HNF4G: variants seen among roughly 807,000 people sequenced by gnomAD.
The protein encoded by HNF4G is hepatocyte nuclear factor 4 gamma, also known as hepatocyte nuclear factor 4-gamma.
Under a neutral mutation model 50.9 loss-of-function variants are expected in HNF4G, and 21 were observed. The observed-to-expected ratio is 0.41, with a 90% CI of 0.29 to 0.59. The LOEUF (loss-of-function observed/expected upper bound fraction) is 0.59, where lower values mean the gene tolerates loss of function less well. HNF4G is among the 20% of genes least tolerant of loss of function. The pLI is 0.26. For missense variants in HNF4G, 527 were observed against 559.4 expected, an observed-to-expected ratio of 0.94 and a Z score of 0.58; for synonymous variants, 198 against 185.6, an observed-to-expected ratio of 1.07 and a Z score of -0.54.
At position 75,559,033 on chromosome 8, in the gene HNF4G, A is replaced by G. The variant is rs1807221026; in HGVS notation, c.1119A>G (p.Leu373=). ...KIDNLLQEML[L]GGASNDGSHL... Reference sequence around the variant, plus strand: ...ACAATCTACTTCAGGAAATGCTATTAGGTGGTGAGTACATTGAATAATTTC... The same window carrying G: ...ACAATCTACTTCAGGAAATGCTATTGGGTGGTGAGTACATTGAATAATTTC... The change falls in exon 8 of 10, where the codon TTA becomes TTG. Residue 373 remains leucine (L), a synonymous_variant. Transcript: ENST00000396423. 6.7e-7 allele frequency: 1 copy of G among 1,496,686 alleles called. No individual in the cohort carries two copies. The highest frequency in any genetic ancestry group is 9.3e-7 in the Non-Finnish European group (1 of 1,073,014). 92.7% of individuals were successfully genotyped at this position (1,496,686 alleles called of 1,614,324 possible).
intron 1 of HNF4G, among the ~76,000 whole-genome samples, chr8:75,425,886 C>T (rs542552554): frequency 1.3e-5 from 2 of 152,104 alleles, no homozygotes; most frequent in Admixed American, 6.5e-5. Flanking sequence ...ACTTGACACT[C>T]CTTTCTGACG....
intron 2 of HNF4G, among the ~76,000 whole-genome samples, chr8:75,494,363 A>T (rs1453256499): frequency 6.6e-6 from 1 of 151,596 alleles, no homozygotes; most frequent in Non-Finnish European, 1.5e-5. Flanking sequence ...TTGACAATAC[A>T]CAAGGAGACC....
intron 2 of HNF4G, among the ~76,000 whole-genome samples, chr8:75,509,167 T>A (rs1231469407): frequency 6.6e-6 from 1 of 152,130 alleles, no homozygotes; most frequent in Non-Finnish European, 1.5e-5. Flanking sequence ...GCTGAGATAT[T>A]TGTAGTTAGG....
At chr8:75,513,426 T>C (rs1273389488) in intron 2 of HNF4G, among the ~76,000 whole-genome samples, 1 of 152,220 alleles carries the variant, frequency 6.6e-6, no homozygotes, top group Non-Finnish European at 1.5e-5. Context: ...GCCCATCTTG[T>C]GATCAAATTT....
intron 1 of HNF4G, among the ~76,000 whole-genome samples, chr8:75,409,439 C>T (rs1399145642): frequency 1.3e-5 from 2 of 150,454 alleles, no homozygotes; most frequent in East Asian, 3.9e-4. Context: ...AAAAAATACT[C>T]CTCATGCAAA....
chr8:75,494,145 A>C (rs1812702683), intron 2 of HNF4G, among the ~76,000 whole-genome samples: 1 of 152,200 alleles, frequency 6.6e-6, no homozygotes, highest in East Asian at 1.9e-4. Flanking sequence ...AAAGTTGTCT[A>C]AAACATCAAA....
chr8:75,438,751 C>T (rs1321919142), intron 1 of HNF4G, among the ~76,000 whole-genome samples: 2 of 152,038 alleles, frequency 1.3e-5, no homozygotes, highest in African/African-American at 2.4e-5. Context: ...TACAACAGGA[C>T]TCACACTCTC....
chr8:75,530,621 A>G (rs1806302778), intron 2 of HNF4G, among the ~76,000 whole-genome samples: 1 of 152,136 alleles, frequency 6.6e-6, no homozygotes, highest in Non-Finnish European at 1.5e-5. Flanking sequence ...TATGATTTTG[A>G]GTTCAAAAAT....
At chr8:75,545,201 A>T (rs1352588517) in intron 2 of HNF4G, among the ~76,000 whole-genome samples, 1 of 151,734 alleles carries the variant, frequency 6.6e-6, no homozygotes, top group Non-Finnish European at 1.5e-5. Flanking sequence ...TAACCTGTAA[A>T]CCATACCTTC....
intron 1 of HNF4G, among the ~76,000 whole-genome samples, chr8:75,413,161 G>A (rs1810540686): frequency 1.3e-5 from 2 of 151,716 alleles, no homozygotes; most frequent in Admixed American, 1.3e-4. Context: ...AACAAGGATT[G>A]GACAATGTCT....
chr8:75,410,110 G>A (rs1460250), intron 1 of HNF4G, among the ~76,000 whole-genome samples: 74,273 of 151,924 alleles, frequency 0.49, 18,430 homozygotes, highest in Middle Eastern at 0.57. Context: ...TAACCAGCCA[G>A]TGTCCCTCAG....
intron 2 of HNF4G, among the ~76,000 whole-genome samples, chr8:75,546,950 T>C (rs1266310191): frequency 6.6e-6 from 1 of 152,164 alleles, no homozygotes; most frequent in East Asian, 1.9e-4. Flanking sequence ...TGCTAAACTG[T>C]CTTCCAAAGC....
Position 75,551,379 on chromosome 8 carries a change from T to TC in HNF4G, c.383-4dup. 5 of 1,546,306 alleles carry TC rather than the reference T, an allele frequency of 3.2e-6. No individual in the cohort carries two copies. The highest frequency in any genetic ancestry group is 4.5e-6 in the Non-Finnish European group (5 of 1,118,670). ...AGTGCTCAATAAATACTGTGTTTTTTCCCCCTAGCTGTACAAAATGAACGT... is the reference window on the plus strand; with the variant it reads ...AGTGCTCAATAAATACTGTGTTTTTTCCCCCCTAGCTGTACAAAATGAACGT... On this transcript the variant is annotated splice_polypyrimidine_tract_variant and intron_variant, in intron 3 of 9. Coordinates refer to ENST00000396423, the MANE Select transcript of HNF4G (RefSeq NM_004133.5).
chr8:75,546,252 T>C (rs1332535331), intron 2 of HNF4G, among the ~76,000 whole-genome samples: 1 of 152,182 alleles, frequency 6.6e-6, no homozygotes, highest in Non-Finnish European at 1.5e-5. Flanking sequence ...AACAACCTTT[T>C]GTGCAAGTCC....
intron 2 of HNF4G, among the ~76,000 whole-genome samples, chr8:75,526,099 T>A (rs1226491817): frequency 6.8e-6 from 1 of 147,310 alleles, no homozygotes; most frequent in African/African-American, 2.5e-5. Flanking sequence ...ATTCTCTACT[T>A]GCTCAAATTT....
chr8:75,557,481 C>T (rs1449721622), intron 6 of HNF4G, among the ~76,000 whole-genome samples: 1 of 152,038 alleles, frequency 6.6e-6, no homozygotes, highest in Non-Finnish European at 1.5e-5. Context: ...ATTAACTGGG[C>T]GTGGTGGCGG....
At chr8:75,460,870 G>C (rs934882989) in intron 1 of HNF4G, among the ~76,000 whole-genome samples, 2 of 152,070 alleles carry the variant, frequency 1.3e-5, no homozygotes, top group African/African-American at 4.8e-5. Flanking sequence ...TAACTTTGAG[G>C]GTTTGGCAGA....
At chr8:75,473,794 T>C (rs1351319704) in intron 1 of HNF4G, among the ~76,000 whole-genome samples, 1 of 152,034 alleles carries the variant, frequency 6.6e-6, no homozygotes, top group Non-Finnish European at 1.5e-5. Flanking sequence ...AGGAAAGTTA[T>C]GGCTTTAACT....
chr8:75,408,560 G>A (rs1013407545), intron 1 of HNF4G, among the ~76,000 whole-genome samples: 18 of 152,204 alleles, frequency 1.2e-4, no homozygotes, highest in African/African-American at 4.1e-4. Context: ...TTTAAATATA[G>A]TATTGAGATC....
Sources: gnomAD v4.1 joint callset for allele counts (sites outside exome capture counted in the v4.1 genomes callset) on GRCh38, gnomAD v4.1.1 for gene constraint, MANE v1.5 for transcripts, NCBI Gene and HGNC (gene_info 2026-07-23, HGNC 2026-07-21) for gene names.